Variants in MIER1 observed in about 807,000 individuals in gnomAD.
The protein encoded by MIER1 is mesoderm induction early response protein 1.
A neutral mutation model predicts 75.7 loss-of-function variants in MIER1; 40 were observed. The ratio of observed to expected loss-of-function variants is 0.53; its 90% CI spans 0.41 to 0.69. MIER1 has a LOEUF of 0.69. Ranked by LOEUF, MIER1 falls within the 30% of genes least tolerant of loss-of-function variation. The pLI, the probability that MIER1 is intolerant of heterozygous loss-of-function variation, is 0.00. For synonymous variants in MIER1, 213 were observed against 223.4 expected (o/e 0.95, Z 0.42); for missense variants, 574 against 680.2 (o/e 0.84, Z 1.74).
At chr1:66,970,526 G>A (rs1663387791) in intron 8 of MIER1, among the ~76,000 whole-genome samples, 2 of 152,112 alleles carry the variant, frequency 1.3e-5, no homozygotes, top group Non-Finnish European at 2.9e-5. Flanking sequence ...TGTAATAAGT[G>A]GTAGAGATGG....
At chr1:66,958,823 T>TA (rs763434230) in intron 5 of MIER1, 28 bp from the exon 6 acceptor site, 2 of 1,576,690 alleles carry the variant, frequency 1.3e-6, no homozygotes, top group Non-Finnish European at 1.7e-6. Context: ...CCTTACATCT[T>TA]AGAGAAATTT....
At position 66,981,917 on chromosome 1, in the gene MIER1, T is replaced by C. The variant is rs1314302726; in HGVS notation, c.1368T>C (p.Asn456=). ...EDGTVSTANQ[N]GVSSNGPGEI... ...GCACTGTAAGCACTGCTAATCAAAA[T>C]GGTAAGCAACCAGAGAAACATTTCT... Residue 456 remains asparagine, a splice_region_variant and synonymous_variant, in exon 13 of 14, where the codon AAT becomes AAC. Transcript: ENST00000401041. The C allele has an allele frequency of 1.9e-6, 3 of 1,613,416 alleles. No homozygotes were observed. The highest frequency in any genetic ancestry group is 2.5e-6 in the Non-Finnish European group (3 of 1,179,650).
chr1:66,976,796 A>AT, intron 12 of MIER1, 74 bp downstream of exon 12: 2 of 1,263,538 alleles, frequency 1.6e-6, no homozygotes, highest in Non-Finnish European at 2.1e-6. Context: ...TGAGTTAATT[A>AT]TTATTTTGAT....
chr1:66,932,399 A>G (rs965803763), intron 2 of MIER1, among the ~76,000 whole-genome samples: 9 of 152,208 alleles, frequency 5.9e-5, no homozygotes, highest in African/African-American at 2.2e-4. Flanking sequence ...AGTTACTTGT[A>G]GATAGTTTCA....
At chr1:66,982,007 A>T in intron 13 of MIER1, 89 bp downstream of exon 13, 1 of 1,384,598 alleles carries the variant, frequency 7.2e-7, no homozygotes, top group Non-Finnish European at 1.0e-6. Context: ...GTTTCTATTA[A>T]ACTTCCAGAG....
At chr1:66,938,947 C>T (rs555156702) in intron 2 of MIER1, among the ~76,000 whole-genome samples, 20 of 152,046 alleles carry the variant, frequency 1.3e-4, no homozygotes, top group Non-Finnish European at 2.8e-4. Flanking sequence ...AATTTTAATA[C>T]TTTATAGGAA....
At chr1:66,981,705 C>A in intron 12 of MIER1, 74 bp from the exon 13 acceptor site, 2 of 1,183,716 alleles carry the variant, frequency 1.7e-6, no homozygotes, top group South Asian at 1.5e-5. Flanking sequence ...TTAAGAAAGC[C>A]TTCTGAATTT....
chr1:66,944,415 AG>A (rs1481358720), intron 3 of MIER1, among the ~76,000 whole-genome samples: 2 of 150,662 alleles, frequency 1.3e-5, no homozygotes, highest in Non-Finnish European at 3.0e-5. Flanking sequence ...TATTTTACAT[AG>A]TCTGTAAAAT....
At position 66,974,614 on chromosome 1, in the gene MIER1, C is replaced by T. The variant is rs193035002; in HGVS notation, c.1101+1623C>T. Among the ~76,000 whole-genome samples the T allele has an allele frequency of 1.7e-3, 262 of 152,140 alleles. 1 individual carries two copies. Among genetic ancestry groups the T allele is most frequent in the African/African-American group, 6.0e-3 (248 of 41,486 alleles). ...TTAAGAAATTATAGGTGACTTGAAACTTAGAGCCAAGTAACATAAGTATTA... is the reference window on the plus strand; with the variant it reads ...TTAAGAAATTATAGGTGACTTGAAATTTAGAGCCAAGTAACATAAGTATTA... On this transcript the variant is annotated intron_variant, in intron 11 of 13. Coordinates refer to ENST00000401041, the MANE Select transcript of MIER1 (RefSeq NM_001077700.3).
chr1:66,960,922 C>G (rs181878021), intron 7 of MIER1, among the ~76,000 whole-genome samples: 2 of 152,168 alleles, frequency 1.3e-5, no homozygotes, highest in Non-Finnish European at 1.5e-5. Context: ...ACTTCATATT[C>G]AAGTTTATGT....
chr1:66,959,811 A>T (rs866866467), intron 7 of MIER1, 68 bp downstream of exon 7: 106 of 497,954 alleles, frequency 2.1e-4, no homozygotes, highest in African/African-American at 1.0e-3. Flanking sequence ...TCGTGTAATT[A>T]TTTTTTTTTT....
intron 4 of MIER1, among the ~76,000 whole-genome samples, chr1:66,951,407 G>A (rs537887265): frequency 6.6e-6 from 1 of 152,210 alleles, no homozygotes; most frequent in African/African-American, 2.4e-5. Context: ...GGGATGATAG[G>A]CGTGAGCCAC....
intron 2 of MIER1, among the ~76,000 whole-genome samples, chr1:66,928,152 GT>G (rs557376754): frequency 6.6e-6 from 1 of 151,900 alleles, no homozygotes; most frequent in East Asian, 1.9e-4. Context: ...AATGTAGAGA[GT>G]TTTTTTCCCT....
At chr1:66,925,663 C>G (rs1371393935) in intron 1 of MIER1, 6 of 495,240 alleles carry the variant, frequency 1.2e-5, no homozygotes, top group East Asian at 3.0e-4. Flanking sequence ...GGGACAGATG[C>G]CCGCCGCTCT....
At chr1:66,948,227 A>G in intron 4 of MIER1, 1 of 939,244 alleles carries the variant, frequency 1.1e-6, no homozygotes, top group Non-Finnish European at 1.3e-6. Flanking sequence ...TGTTCTAATA[A>G]AATATATCAT....
rs1558079191 is a variant in MIER1, at chr1:66,963,071, T to C, written c.700-17T>C. On this transcript the variant is annotated splice_polypyrimidine_tract_variant and intron_variant, in intron 7 of 13. Transcript: ENST00000401041. ...GTTACTAGATCTTACTAATGTTTTA[T>C]GTTATTTTTAAAATAGGAGATTATG... 6.4e-7 allele frequency: 1 copy of C among 1,558,198 alleles called. No homozygotes were observed. Among genetic ancestry groups the C allele is most frequent in the South Asian group, 1.1e-5 (1 of 89,524 alleles).
chr1:66,958,581 G>A (rs1302628201), intron 5 of MIER1, among the ~76,000 whole-genome samples: 3 of 151,968 alleles, frequency 2.0e-5, no homozygotes, highest in African/African-American at 7.2e-5. Context: ...TTTAAAGTTA[G>A]TATAGAACGT....
At chr1:66,949,936 AC>A (rs76686883) in intron 4 of MIER1, among the ~76,000 whole-genome samples, 118,854 of 152,048 alleles carry the variant, frequency 0.78, 46,801 homozygotes, top group East Asian at 0.88. Flanking sequence ...TTCAGTGAAA[AC>A]TAACTCGAAA....
intron 2 of MIER1, among the ~76,000 whole-genome samples, chr1:66,927,998 C>T (rs1466229786): frequency 1.3e-5 from 2 of 151,942 alleles, no homozygotes; most frequent in East Asian, 3.9e-4. Flanking sequence ...AGGTGTATCA[C>T]TAAAATAAAA....
Sources: allele counts gnomAD v4.1 joint callset (sites outside exome capture counted in the v4.1 genomes callset), GRCh38; gene constraint gnomAD v4.1.1; transcripts MANE v1.5; gene names NCBI Gene and HGNC (gene_info 2026-07-23, HGNC 2026-07-21).